TLN2: variants seen among roughly 807,000 people sequenced by gnomAD.
The protein encoded by TLN2 is talin-2.
In TLN2, 118 loss-of-function variants were observed where a neutral mutation model predicts 294.7. That is an observed-to-expected ratio of 0.40 (90% CI 0.34 to 0.47). The LOEUF (loss-of-function observed/expected upper bound fraction) is 0.47, where lower values mean the gene tolerates loss of function less well. Among genes scored for constraint, TLN2 ranks in the 20% least tolerant of loss-of-function variants. TLN2 has a pLI of 0.84. For missense variants in TLN2, 3,083 were observed against 3,282.2 expected (o/e 0.94, Z 1.48); for synonymous variants, 1,431 against 1,304.5 (o/e 1.10, Z -2.09).
intron 52 of TLN2, among the ~76,000 whole-genome samples, chr15:62,816,663 G>A (rs2067141645): frequency 6.6e-6 from 1 of 152,154 alleles, no homozygotes; most frequent in South Asian, 2.1e-4. Context: ...CCCTTGTCTT[G>A]AGCTTAGGGG....
At chr15:62,830,997 C>T (rs947848939) in intron 54 of TLN2, 1 of 146,130 alleles carries the variant, frequency 6.8e-6, no homozygotes, top group Non-Finnish European at 1.5e-5. Context: ...CTGTGGGTGT[C>T]AAAAATATTT....
At chr15:62,544,682 CT>C (rs2041890742) in intron 1 of TLN2, among the ~76,000 whole-genome samples, 1 of 151,584 alleles carries the variant, frequency 6.6e-6, no homozygotes, top group East Asian at 1.9e-4. Flanking sequence ...ATCATCTACC[CT>C]TTTAAGAGAA....
chr15:62,594,286 C>T (rs1330448506), intron 2 of TLN2, among the ~76,000 whole-genome samples: 1 of 152,188 alleles, frequency 6.6e-6, no homozygotes, highest in Non-Finnish European at 1.5e-5. Flanking sequence ...TGACTCACTG[C>T]AGCCTTGACC....
intron 40 of TLN2, among the ~76,000 whole-genome samples, chr15:62,765,575 G>A (rs188275980): frequency 9.9e-5 from 15 of 152,212 alleles, no homozygotes; most frequent in African/African-American, 2.6e-4. Context: ...AGTGAAGCTC[G>A]TATGAATAGT....
At chr15:62,566,112 T>A (rs188703796) in intron 1 of TLN2, among the ~76,000 whole-genome samples, 31 of 152,198 alleles carry the variant, frequency 2.0e-4, no homozygotes, top group Non-Finnish European at 3.5e-4. Context: ...AGATAAAGCA[T>A]GGCAAATGTT....
intron 2 of TLN2, among the ~76,000 whole-genome samples, chr15:62,599,941 G>GT (rs1567170682): frequency 6.6e-6 from 1 of 152,098 alleles, no homozygotes; most frequent in Non-Finnish European, 1.5e-5. Context: ...TGACTTGGGC[G>GT]TTGTTCTGTT....
chr15:62,579,417 A>G (rs2044715688), intron 1 of TLN2, among the ~76,000 whole-genome samples: 1 of 152,176 alleles, frequency 6.6e-6, no homozygotes, highest in African/African-American at 2.4e-5. Flanking sequence ...TGATTTCCGC[A>G]TTATGTATAC....
At chr15:62,808,615 A>G (rs1301815215) in intron 51 of TLN2, among the ~76,000 whole-genome samples, 1 of 152,164 alleles carries the variant, frequency 6.6e-6, no homozygotes, top group Admixed American at 6.5e-5. Context: ...CACTCCCTAC[A>G]CACGGGCTTG....
rs118031947 is a variant in TLN2 at position 62,657,479 on chromosome 15, C to T, written c.661-292C>T. Among the ~76,000 whole-genome samples, 312 of 152,284 alleles carry T rather than the reference C, an allele frequency of 2.0e-3. 8 individuals carry two copies. The East Asian group carries it at 0.051, about 25-fold the overall frequency. On this transcript the variant is annotated intron_variant, in intron 8 of 58. Coordinates refer to ENST00000636159, the MANE Select transcript of TLN2 (RefSeq NM_015059.3). ...CATTTCATATGAGTTTCCTTTGCCT[C>T]TTTTTATAATCACTTCTGCCTTTCT...
chr15:62,560,320 A>C, intron 1 of TLN2, among the ~76,000 whole-genome samples: 1 of 152,108 alleles, frequency 6.6e-6, no homozygotes, highest in East Asian at 1.9e-4. Context: ...GGCTCACTGC[A>C]ACCTCCACCT....
intron 28 of TLN2, among the ~76,000 whole-genome samples, chr15:62,729,106 C>T (rs1192691654): frequency 6.6e-6 from 1 of 152,188 alleles, no homozygotes; most frequent in Non-Finnish European, 1.5e-5. Flanking sequence ...TACTTTTTCC[C>T]AATGATCTTT....
At chr15:62,483,580 C>G (rs1009754184) in intron 1 of TLN2, among the ~76,000 whole-genome samples, 1 of 152,138 alleles carries the variant, frequency 6.6e-6, no homozygotes, top group African/African-American at 2.4e-5. Context: ...CTGGGTCTAC[C>G]TTGGGCCGCC....
chr15:62,694,424 C>CT (rs1474649546), intron 14 of TLN2, 32 bp downstream of exon 14: 2 of 1,590,766 alleles, frequency 1.3e-6, no homozygotes, highest in Non-Finnish European at 1.7e-6. Context: ...AGAGGACCAC[C>CT]TTCTCCCTAG....
chr15:62,783,194 A>G (rs1445654019), intron 44 of TLN2, among the ~76,000 whole-genome samples: 1 of 152,250 alleles, frequency 6.6e-6, no homozygotes, highest in Non-Finnish European at 1.5e-5. Flanking sequence ...TGTATCCTCT[A>G]TGAGTGTTTT....
intron 50 of TLN2, among the ~76,000 whole-genome samples, 193 bp downstream of exon 50, chr15:62,800,962 T>C (rs1422753785): frequency 6.6e-6 from 1 of 152,250 alleles, no homozygotes; most frequent in Non-Finnish European, 1.5e-5. Flanking sequence ...GATTGATTTG[T>C]AAGTGTAATC....
At chr15:62,404,349 A>C (rs1032591851) in intron 1 of TLN2, among the ~76,000 whole-genome samples, 1 of 152,188 alleles carries the variant, frequency 6.6e-6, no homozygotes, top group African/African-American at 2.4e-5. Flanking sequence ...TGAAGATGAT[A>C]AATGGACTTG....
Position 62,753,827 on chromosome 15 carries a change from C to G in TLN2, c.4387C>G (p.Leu1463Val). 6.2e-7 allele frequency: 1 copy of G among 1,612,578 alleles called. No individual in the cohort carries two copies. The highest frequency in any genetic ancestry group is 2.2e-5 in the East Asian group (1 of 44,766). The change falls in exon 36 of 59, where the codon CTG becomes GTG. Residue 1463 changes from leucine (L) to valine (V), a missense_variant. Physicochemically the swap from Leu to Val is conservative, Grantham distance 32. Coordinates refer to ENST00000636159, the MANE Select transcript of TLN2 (RefSeq NM_015059.3). ...DPNSQAGHQG[L>V]VDPIQFARAN... ...AAACAGCCAGGCAGGCCACCAGGGC[C>G]TGGTGGACCCCATCCAGTTTGCCAG...
chr15:62,815,178 CA>C (rs2067008386), intron 52 of TLN2, among the ~76,000 whole-genome samples: 1 of 2,364 alleles, frequency 4.2e-4, no homozygotes, highest in Admixed American at 8.3e-3. Context: ...TTCTGTCTGT[CA>C]CACACACACA....
Position 62,762,286 on chromosome 15 carries a change from G to A in TLN2, c.4794G>A (p.Gln1598=). 1 of 1,614,156 alleles carries A rather than the reference G, an allele frequency of 6.2e-7. No individual in the cohort carries two copies. Among genetic ancestry groups the A allele is most frequent in the Non-Finnish European group, 8.5e-7 (1 of 1,180,020 alleles). Reference sequence around the variant, plus strand: ...TTTGGTCTCAGGGTTCCCAGGCACAGGAACCAATCCTGGTCTCAGCCAAGA... The same window carrying A: ...TTTGGTCTCAGGGTTCCCAGGCACAAGAACCAATCCTGGTCTCAGCCAAGA... ...AQISSEGSQA[Q]EPILVSAKTM... The change falls in exon 39 of 59, where the codon CAG becomes CAA. Residue 1598 remains glutamine (Q), a synonymous_variant. Transcript: ENST00000636159.
Sources: gnomAD v4.1 joint callset for allele counts (sites outside exome capture counted in the v4.1 genomes callset) on GRCh38, gnomAD v4.1.1 for gene constraint, MANE v1.5 for transcripts, NCBI Gene and HGNC (gene_info 2026-07-23, HGNC 2026-07-21) for gene names.